Variants in CAPZB observed in about 807,000 individuals in gnomAD.
CAPZB encodes capping actin protein of muscle Z-line subunit beta.
A neutral mutation model predicts 38.1 loss-of-function variants in CAPZB; 2 were observed. That is an observed-to-expected ratio of 0.05 (90% CI 0.02 to 0.17). The LOEUF is 0.17. CAPZB is among the 10% of genes least tolerant of loss of function. The probability of loss-of-function intolerance (pLI) is 1.00; values close to 1 mark genes in which losing one functional copy is unlikely to be tolerated. For missense variants in CAPZB, 161 were observed against 334.2 expected (o/e 0.48, Z 4.04); for synonymous variants, 107 against 127.4 (o/e 0.84, Z 1.08).
intron 1 of CAPZB, among the ~76,000 whole-genome samples, chr1:19,425,196 T>G (rs770043646): frequency 2.0e-5 from 3 of 152,240 alleles, no homozygotes; most frequent in African/African-American, 4.8e-5. Flanking sequence ...AAACTCTGAC[T>G]GGTCCAGGCA....
At chr1:19,394,912 G>T (rs115232874) in intron 2 of CAPZB, among the ~76,000 whole-genome samples, 1 of 151,970 alleles carries the variant, frequency 6.6e-6, no homozygotes, top group African/African-American at 2.4e-5. Context: ...AGCGATGCAC[G>T]GTCTGATCCT....
intron 6 of CAPZB, 79 bp from the exon 7 acceptor site, chr1:19,345,331 G>A: frequency 1.7e-6 from 2 of 1,150,786 alleles, no homozygotes; most frequent in Non-Finnish European, 2.6e-6. Flanking sequence ...CCACCTCCAC[G>A]GTCTGCAAAG....
chr1:19,342,168 G>A (rs573057742), intron 8 of CAPZB, among the ~76,000 whole-genome samples: 1 of 152,318 alleles, frequency 6.6e-6, no homozygotes, highest in South Asian at 2.1e-4. Flanking sequence ...TGGCCGAGTC[G>A]GCACTGGGCG....
chr1:19,374,391 G>C (rs903626311), intron 4 of CAPZB: 2 of 152,256 alleles, frequency 1.3e-5, no homozygotes, highest in Non-Finnish European at 2.9e-5. Flanking sequence ...GTGGTCATGA[G>C]GCTGGAGCTC....
intron 6 of CAPZB, among the ~76,000 whole-genome samples, chr1:19,355,494 CAAA>C (rs11455973): frequency 2.9e-5 from 3 of 102,806 alleles, no homozygotes; most frequent in East Asian, 3.0e-4. Context: ...GACTCCGTCT[CAAA>C]AAAAAAAAAA....
rs949683894 is a variant in CAPZB, at chr1:19,472,649, A to G, written c.3+12787T>C. On this transcript the variant is annotated intron_variant, in intron 1 of 8. Transcript: ENST00000264202. ...CCCTGACTACCGATTAGTAGTTACT[A>G]TGTAGAGAATGAGGTTCCATTTTAG... 6.0e-5 allele frequency among the ~76,000 whole-genome samples: 9 copies of G among 150,376 alleles called. 1 individual carries two copies. The South Asian group carries it at 1.5e-3, about 25-fold the overall frequency.
At chr1:19,481,790 T>C (rs1055386464) in intron 1 of CAPZB, among the ~76,000 whole-genome samples, 2 of 152,190 alleles carry the variant, frequency 1.3e-5, no homozygotes, top group African/African-American at 4.8e-5. Context: ...CAGCTTTCTC[T>C]TCAGTTTCCT....
At position 19,339,240 on chromosome 1, in the gene CAPZB, A is replaced by C; in HGVS notation, c.*290T>G. The C allele has an allele frequency of 4.8e-6, 2 of 417,258 alleles. No individual in the cohort carries two copies. Among genetic ancestry groups the C allele is most frequent in the East Asian group, 4.3e-5 (1 of 23,132 alleles). 25.8% of individuals were successfully genotyped at this position (417,258 alleles called of 1,614,324 possible). ...GGCAGACAGTGGATTTTATGCCTAT[A>C]AATGGGGGGACAGGGAGGAAGACGG... On this transcript the variant is annotated 3_prime_UTR_variant, in exon 9 of 9. Coordinates refer to ENST00000264202, the MANE Select transcript of CAPZB (RefSeq NM_004930.5).
At position 19,426,920 on chromosome 1, in the gene CAPZB, G is replaced by T. The variant is rs2094424959; in HGVS notation, c.4-7170C>A. Among the ~76,000 whole-genome samples, 3 of 152,232 alleles carry T rather than the reference G, an allele frequency of 2.0e-5. No homozygotes were observed. The South Asian group carries it at 6.2e-4, about 31-fold the overall frequency. On this transcript the variant is annotated intron_variant, in intron 1 of 8. Coordinates refer to ENST00000264202, the MANE Select transcript of CAPZB (RefSeq NM_004930.5). ...AGACAGCCTGACCAGAGACGAAACT[G>T]GGGACAGAAGAGCTAGCAGAGGAGC...
intron 4 of CAPZB, among the ~76,000 whole-genome samples, chr1:19,364,747 C>T (rs987385574): frequency 2.0e-5 from 3 of 152,248 alleles, no homozygotes; most frequent in Admixed American, 6.5e-5. Flanking sequence ...CTCCTCCCTC[C>T]AGCACTCAAG....
intron 1 of CAPZB, chr1:19,424,769 C>T (rs1284602959): frequency 1.3e-5 from 2 of 152,238 alleles, no homozygotes; most frequent in African/African-American, 4.8e-5. Context: ...GCCCTCTATC[C>T]TACTGCGAGA....
rs1241715873 is a variant in CAPZB at position 19,357,371 on chromosome 1, T to G, written c.471+51A>C. On this transcript the variant is annotated intron_variant, in intron 5 of 8. Coordinates refer to ENST00000264202, the MANE Select transcript of CAPZB (RefSeq NM_004930.5). The surrounding 1 kb of genome is among the most constrained non-coding windows in gnomAD (Gnocchi z 4.3). Reference sequence around the variant, plus strand: ...TAGAGAGCAGCGCGGCACTGGTTGGTGTGCCATCTGTACTTAGTGGCCCGG... The same window carrying G: ...TAGAGAGCAGCGCGGCACTGGTTGGGGTGCCATCTGTACTTAGTGGCCCGG... The G allele has an allele frequency of 6.4e-7, 1 of 1,562,762 alleles. No individual in the cohort carries two copies. Among genetic ancestry groups the G allele is most frequent in the Admixed American group, 1.7e-5 (1 of 59,766 alleles).
At chr1:19,392,161 C>A (rs1297313738) in intron 2 of CAPZB, among the ~76,000 whole-genome samples, 1 of 148,306 alleles carries the variant, frequency 6.7e-6, no homozygotes, top group Non-Finnish European at 1.5e-5. Flanking sequence ...GTAGCCTGTG[C>A]GACACAGAGA....
At chr1:19,474,040 G>T (rs2094598669) in intron 1 of CAPZB, among the ~76,000 whole-genome samples, 1 of 151,392 alleles carries the variant, frequency 6.6e-6, no homozygotes, top group Non-Finnish European at 1.5e-5. Context: ...CCATCACCCA[G>T]ACTGGAAGGC....
At chr1:19,419,782 A>G (rs1422127307) in intron 1 of CAPZB, 32 bp from the exon 2 acceptor site, 2 of 1,259,000 alleles carry the variant, frequency 1.6e-6, no homozygotes, top group East Asian at 5.0e-5. Context: ...TGCGTCAGTC[A>G]TTTTTGCCAG....
At chr1:19,452,000 C>T (rs1344411314) in intron 1 of CAPZB, among the ~76,000 whole-genome samples, 4 of 152,056 alleles carry the variant, frequency 2.6e-5, no homozygotes, top group Non-Finnish European at 5.9e-5. Flanking sequence ...AACCCTCCCC[C>T]ACTTTGTCCA....
chr1:19,341,244 G>T (rs978353798), intron 8 of CAPZB, among the ~76,000 whole-genome samples: 20 of 152,332 alleles, frequency 1.3e-4, no homozygotes, highest in Admixed American at 1.2e-3. Context: ...AAAGGCATCA[G>T]CCCCCACGGC....
intron 4 of CAPZB, among the ~76,000 whole-genome samples, chr1:19,375,341 T>C (rs1414911705): frequency 6.6e-6 from 1 of 152,222 alleles, no homozygotes; most frequent in Non-Finnish European, 1.5e-5. Flanking sequence ...TTCATGCCTC[T>C]GGTATCCCGG....
chr1:19,438,343 G>C (rs58186877), intron 1 of CAPZB, among the ~76,000 whole-genome samples: 1 of 152,140 alleles, frequency 6.6e-6, no homozygotes, highest in Non-Finnish European at 1.5e-5. Context: ...AGCGTACTTC[G>C]ATAATGCCTC....
Sources: allele counts gnomAD v4.1 joint callset (sites outside exome capture counted in the v4.1 genomes callset), GRCh38; gene constraint gnomAD v4.1.1; non-coding constraint Gnocchi (gnomAD v3.1); transcripts MANE v1.5; gene names NCBI Gene and HGNC (gene_info 2026-07-23, HGNC 2026-07-21).